The following ASAP3 variants were observed in gnomAD, a reference collection of about 807,000 sequenced individuals.
ASAP3 encodes the protein ArfGAP with SH3 domain, ankyrin repeat and PH domain 3.
Under a neutral mutation model 118.2 loss-of-function variants are expected in ASAP3, and 85 were observed. The observed-to-expected ratio is 0.72, with a 90% confidence interval of 0.60 to 0.86. ASAP3 has a LOEUF of 0.86. Ranked by LOEUF, ASAP3 falls within the 40% of genes least tolerant of loss-of-function variation. ASAP3 has a pLI of 0.00. For synonymous variants in ASAP3, 432 were observed against 477.4 expected, an observed-to-expected ratio of 0.90 and a Z score of 1.24; for missense variants, 1,026 against 1,175.0, an observed-to-expected ratio of 0.87 and a Z score of 1.85.
In ASAP3 at chr1:23,429,831, G is replaced by A; in HGVS notation, c.*25C>T. The A allele has an allele frequency of 1.9e-6, 3 of 1,610,190 alleles. No individual in the cohort carries two copies. The highest frequency in any genetic ancestry group is 2.5e-6 in the Non-Finnish European group (3 of 1,177,760). On this transcript the variant is annotated 3_prime_UTR_variant, in exon 25 of 25. Coordinates refer to ENST00000336689, the MANE Select transcript of ASAP3 (RefSeq NM_017707.4). ...AGCTCTGAACATTGGGGCCTAGCAT[G>A]GGGCATGTGGGGGCCAGCAAGGAGC... is the stretch of plus-strand genomic sequence containing the variant.
intron 1 of ASAP3, among the ~76,000 whole-genome samples, chr1:23,479,103 T>G (rs1642226044): frequency 6.6e-6 from 1 of 152,066 alleles, no homozygotes; most frequent in Non-Finnish European, 1.5e-5. Context: ...ATCCAGAAAC[T>G]GGGCCGGGCT....
intron 24 of ASAP3, among the ~76,000 whole-genome samples, chr1:23,430,523 G>A (rs1640386272): frequency 6.6e-6 from 1 of 152,156 alleles, no homozygotes; most frequent in Non-Finnish European, 1.5e-5. Flanking sequence ...AAGTCCCTGT[G>A]GATTCCAGGA....
At chr1:23,435,803 A>T in intron 17 of ASAP3, 48 bp downstream of exon 17, 1 of 1,606,230 alleles carries the variant, frequency 6.2e-7, no homozygotes, top group Non-Finnish European at 8.5e-7. Context: ...AGAACTGGGG[A>T]ATATGTTAGA....
At chr1:23,455,613 C>G (rs375427164) in intron 3 of ASAP3, among the ~76,000 whole-genome samples, 1 of 152,162 alleles carries the variant, frequency 6.6e-6, no homozygotes, top group South Asian at 2.1e-4. Flanking sequence ...CTCCCTTGCA[C>G]GGGGCTCTTC....
chr1:23,454,978 G>A (rs1488631750), intron 3 of ASAP3, among the ~76,000 whole-genome samples: 1 of 152,196 alleles, frequency 6.6e-6, no homozygotes, highest in East Asian at 1.9e-4. Context: ...CAAGGATGAT[G>A]TGGCCCCTGC....
At position 23,429,677 on chromosome 1, in the gene ASAP3, G is replaced by A; in HGVS notation, c.*179C>T. 1.7e-6 allele frequency: 1 copy of A among 594,354 alleles called. No homozygotes were observed. Among genetic ancestry groups the A allele is most frequent in the Non-Finnish European group, 2.9e-6 (1 of 344,576 alleles). 36.8% of individuals were successfully genotyped at this position (594,354 alleles called of 1,614,324 possible). A position where few individuals can be genotyped will look rare whatever the true frequency, so the allele number is the denominator to read the frequency against. ...CCGCCATCAGTCCTAACAGGGAAAG[G>A]CCATGTGTCCTTGGTAGAGGCATGG... is the stretch of plus-strand genomic sequence containing the variant. On this transcript the variant is annotated 3_prime_UTR_variant, in exon 25 of 25. Coordinates refer to ENST00000336689, the MANE Select transcript of ASAP3 (RefSeq NM_017707.4).
In ASAP3 at chr1:23,436,076, A is replaced by G; in HGVS notation, c.1572-48T>C. On this transcript the variant is annotated intron_variant, in intron 16 of 24. Coordinates refer to ENST00000336689, the MANE Select transcript of ASAP3 (RefSeq NM_017707.4). This position sits in a 1 kb window ranked among gnomAD's most constrained non-coding sequence, Gnocchi z 4.2. Reference sequence around the variant, plus strand: ...CTCAGAGCATGGACCGTGTCTGCCCAGCTGATCCCTGGGGCCCTCCCACAG... The same window carrying G: ...CTCAGAGCATGGACCGTGTCTGCCCGGCTGATCCCTGGGGCCCTCCCACAG... 6.3e-7 allele frequency: 1 copy of G among 1,599,542 alleles called. No homozygotes were observed. Among genetic ancestry groups the G allele is most frequent in the Non-Finnish European group, 8.6e-7 (1 of 1,167,656 alleles).
In ASAP3 at chr1:23,435,943, T is replaced by A. The variant is rs759935282; in HGVS notation, c.1657A>T (p.Thr553Ser). The A allele has an allele frequency of 1.1e-5, 18 of 1,614,146 alleles. No individual in the cohort carries two copies. The highest frequency in any genetic ancestry group is 3.3e-4 in the Middle Eastern group (2 of 6,084). ...RCTPEPQRLW[T>S]AICNRDLLSV... Reference sequence around the variant, plus strand: ...AGGAGGTCCCTGTTGCAAATGGCTGTCCAGAGTCGCTGAGGCTCAGGTGTG... The same window carrying A: ...AGGAGGTCCCTGTTGCAAATGGCTGACCAGAGTCGCTGAGGCTCAGGTGTG... Residue 553 changes from threonine to serine, a missense_variant, in exon 17 of 25, where the codon ACA becomes TCA. By Grantham distance (58) the Thr-to-Ser change is moderately conservative. Transcript: ENST00000336689.
intron 1 of ASAP3, among the ~76,000 whole-genome samples, chr1:23,459,877 C>T (rs1641513943): frequency 6.6e-6 from 1 of 152,228 alleles, no homozygotes; most frequent in Non-Finnish European, 1.5e-5. Context: ...AGTGTCCATT[C>T]TCTCTTCTTC....
intron 5 of ASAP3, among the ~76,000 whole-genome samples, chr1:23,446,106 C>T (rs559991973): frequency 3.3e-5 from 5 of 152,168 alleles, no homozygotes; most frequent in South Asian, 4.2e-4. Context: ...TTGGTATCTG[C>T]GGGGGTCCTG....
At position 23,484,021 on chromosome 1, in the gene ASAP3, G is replaced by A; in HGVS notation, c.113C>T (p.Ala38Val). ...CCCCCTCACCTCCTCCCGCGCCAGC[G>A]CCGCCCCTCGGTACCGGGGCATCTT... ...AAKMPRYRGA[A>V]LAREEILEGD... Residue 38 changes from alanine to valine, a missense_variant, in exon 1 of 25, where the codon GCG becomes GTG. Ala to Val is a moderately conservative substitution (Grantham distance 64). Coordinates refer to ENST00000336689, the MANE Select transcript of ASAP3 (RefSeq NM_017707.4). 2 of 1,297,398 alleles carry A rather than the reference G, an allele frequency of 1.5e-6. No homozygotes were observed. Among genetic ancestry groups the A allele is most frequent in the East Asian group, 3.1e-5 (1 of 31,954 alleles). The allele number at this position is 1,297,398 out of a possible 1,614,324, so 80.4% of individuals were successfully genotyped here.
chr1:23,432,391 G>A (rs1010159623), intron 22 of ASAP3, among the ~76,000 whole-genome samples: 8 of 152,038 alleles, frequency 5.3e-5, no homozygotes, highest in African/African-American at 2.4e-5. Flanking sequence ...GCCTTTGTTC[G>A]CGGTGGCCAG....
chr1:23,431,954 C>A, intron 22 of ASAP3, 36 bp from the exon 23 acceptor site: 1 of 1,567,694 alleles, frequency 6.4e-7, no homozygotes, highest in Non-Finnish European at 8.7e-7. Flanking sequence ...TAAAGCTTTT[C>A]TTTATCACTT....
chr1:23,442,231 G>A lies in ASAP3; in HGVS notation c.626C>T (p.Pro209Leu). The A allele has an allele frequency of 6.2e-7, 1 of 1,608,040 alleles. No individual in the cohort carries two copies. The highest frequency in any genetic ancestry group is 8.5e-7 in the Non-Finnish European group (1 of 1,177,820). ...KAGESQMKQGPDFLQSLIKFF... is the reference protein window; with the variant it reads ...KAGESQMKQGLDFLQSLIKFF... ...CTTGATGAGGCTCTGAAGGAAGTCA[G>A]GACCTTGCTTCATCTGGCTCTCCCC... is the stretch of plus-strand genomic sequence containing the variant. The change falls in exon 7 of 25, where the codon CCT becomes CTT. Residue 209 changes from proline (P) to leucine (L), a missense_variant. Coordinates refer to ENST00000336689, the MANE Select transcript of ASAP3 (RefSeq NM_017707.4).
intron 1 of ASAP3, among the ~76,000 whole-genome samples, chr1:23,481,067 GAAATGCT>G (rs1642290465): frequency 6.6e-6 from 1 of 152,198 alleles, no homozygotes; most frequent in Admixed American, 6.5e-5. Flanking sequence ...CACGTGGGTA[GAAATGCT>G]AACTTTCCCA....
intron 10 of ASAP3, among the ~76,000 whole-genome samples, chr1:23,440,540 C>T (rs1481779502): frequency 8.6e-6 from 1 of 116,686 alleles, no homozygotes; most frequent in African/African-American, 3.4e-5. Flanking sequence ...AGAATGAGGG[C>T]ATAGTAAGTG....
At chr1:23,479,817 A>G (rs140423863) in intron 1 of ASAP3, 2 of 152,286 alleles carry the variant, frequency 1.3e-5, no homozygotes, top group Non-Finnish European at 2.9e-5. Context: ...ACCTCTGGGG[A>G]GAATACAGGG....
chr1:23,437,564 T>G lies in ASAP3; in HGVS notation c.1103-92A>C. 1 of 1,487,878 alleles carries G rather than the reference T, an allele frequency of 6.7e-7. No homozygotes were observed. Among genetic ancestry groups the G allele is most frequent in the Admixed American group, 1.8e-5 (1 of 54,874 alleles). 92.2% of individuals were successfully genotyped at this position (1,487,878 alleles called of 1,614,324 possible). The stretch of plus-strand genomic sequence containing the variant: ...CCCCACCAAAGCCGCTGGGGCCACA[T>G]GGAGATGTGTCCCTGACAAGTCGGA... On this transcript the variant is annotated intron_variant, in intron 12 of 24. Coordinates refer to ENST00000336689, the MANE Select transcript of ASAP3 (RefSeq NM_017707.4). The surrounding 1 kb of genome is among the most constrained non-coding windows in gnomAD (Gnocchi z 6.1).
intron 5 of ASAP3, among the ~76,000 whole-genome samples, chr1:23,450,015 A>C (rs891482281): frequency 1.3e-5 from 2 of 152,242 alleles, no homozygotes; most frequent in Non-Finnish European, 2.9e-5. Context: ...CTGGGCCTCC[A>C]GTGAGAGCAG....
Sources: gnomAD v4.1 joint callset for allele counts (sites outside exome capture counted in the v4.1 genomes callset) on GRCh38, gnomAD v4.1.1 for gene constraint, Gnocchi (gnomAD v3.1) non-coding constraint, MANE v1.5 for transcripts, NCBI Gene and HGNC (gene_info 2026-07-23, HGNC 2026-07-21) for gene names.